The following TTC23L variants were observed in gnomAD, a reference collection of about 807,000 sequenced individuals.
The protein encoded by TTC23L is tetratricopeptide repeat domain 23 like, also known as tetratricopeptide repeat protein 23-like.
Under a neutral mutation model 48.1 loss-of-function variants are expected in TTC23L, and 42 were observed. The ratio of observed to expected loss-of-function variants is 0.87; its 90% CI spans 0.68 to 1.13. TTC23L has a LOEUF of 1.13. Ranked by LOEUF, TTC23L falls within the 50% of genes most tolerant of loss-of-function variation. The probability of loss-of-function intolerance (pLI) is 0.00; values close to 1 mark genes in which losing one functional copy is unlikely to be tolerated. For synonymous variants in TTC23L, 159 were observed against 157.2 expected (o/e 1.01, Z -0.09); for missense variants, 391 against 421.0 (o/e 0.93, Z 0.62).
the TTC23L span, chr5:34,916,893 T>C: frequency 6.6e-6 from 1 of 152,136 alleles, no homozygotes; most frequent in South Asian, 2.1e-4. Flanking sequence ...ATATTTACTT[T>C]TTATGAAAAA....
intron 10 of TTC23L, among the ~76,000 whole-genome samples, chr5:34,897,412 T>TAAAAAAAAAAAA (rs200445158): frequency 1.3e-5 from 2 of 151,616 alleles, no homozygotes; most frequent in Middle Eastern, 3.4e-3. Context: ...AATTAAACAT[T>TAAAAAAAAAAAA]AAAAAAAATA....
At chr5:34,866,769 G>T in intron 6 of TTC23L, 123 bp from the exon 7 acceptor site, 3 of 848,820 alleles carry the variant, frequency 3.5e-6, no homozygotes, top group Non-Finnish European at 5.3e-6. Context: ...AGATTTTTGA[G>T]CCAGCTACCA....
intron 9 of TTC23L, among the ~76,000 whole-genome samples, chr5:34,894,910 GATGAT>G (rs1241809228): frequency 1.3e-5 from 2 of 151,842 alleles, no homozygotes; most frequent in Non-Finnish European, 2.9e-5. Flanking sequence ...TGATGATGAT[GATGAT>G]GTTAATGGTG....
chr5:34,902,397 CAA>C (rs780623995), downstream of TTC23L: 7 of 392,300 alleles, frequency 1.8e-5, no homozygotes, highest in African/African-American at 1.2e-4. Flanking sequence ...GACTGGGTGA[CAA>C]GAGCAAAACT....
the TTC23L span, chr5:34,915,437 C>G: frequency 4.3e-5 from 14 of 322,676 alleles, no homozygotes; most frequent in South Asian, 6.6e-4. Context: ...GGTCTGGACG[C>G]CCGAGAGCCC....
intron 6 of TTC23L, among the ~76,000 whole-genome samples, chr5:34,866,284 A>G (rs1159705568): frequency 6.6e-6 from 1 of 152,212 alleles, no homozygotes; most frequent in Admixed American, 6.5e-5. Context: ...CTATATCTCT[A>G]TGTGGATCAC....
At position 34,862,070 on chromosome 5, in the gene TTC23L, T is replaced by C. The variant is rs116273665; in HGVS notation, c.380-828T>C. 3.6e-3 allele frequency among the ~76,000 whole-genome samples: 544 copies of C among 152,258 alleles called. 2 individuals carry two copies. Among genetic ancestry groups the C allele is most frequent in the African/African-American group, 0.012 (512 of 41,534 alleles). The stretch of plus-strand genomic sequence containing the variant: ...TGCTTCTGGGTTAGGGTTTTGTATG[T>C]AGCAGAGCAGCTCCCTCACTGCAGT... On this transcript the variant is annotated intron_variant, in intron 4 of 10. Coordinates refer to ENST00000505624, the Ensembl canonical transcript of TTC23L.
At chr5:34,841,610 T>TAAGA (rs1317333726) in intron 2 of TTC23L, among the ~76,000 whole-genome samples, 2 of 152,180 alleles carry the variant, frequency 1.3e-5, no homozygotes, top group Non-Finnish European at 2.9e-5. Flanking sequence ...CTTGGCCTCT[T>TAAGA]AGGCTCAAGA....
At chr5:34,864,652 A>T in intron 6 of TTC23L, 90 bp downstream of exon 6, 1 of 1,425,994 alleles carries the variant, frequency 7.0e-7, no homozygotes, top group South Asian at 1.8e-5. Context: ...GAGCAAAAAA[A>T]CCCAGAAACT....
the TTC23L span, chr5:34,918,666 A>G: frequency 2.1e-6 from 1 of 472,054 alleles, no homozygotes; most frequent in Non-Finnish European, 3.8e-6. Context: ...CATTAGGTAG[A>G]TTCTTTACTT....
chr5:34,886,494 C>A (rs1000601123), intron 9 of TTC23L, among the ~76,000 whole-genome samples: 1 of 151,936 alleles, frequency 6.6e-6, no homozygotes, highest in African/African-American at 2.4e-5. Flanking sequence ...ATAATACGGG[C>A]AGGATCTGCT....
At chr5:34,890,510 G>C (rs1284311016) in intron 9 of TTC23L, among the ~76,000 whole-genome samples, 1 of 144,368 alleles carries the variant, frequency 6.9e-6, no homozygotes, top group Non-Finnish European at 1.5e-5. Flanking sequence ...TGTAAGATTT[G>C]AATCCGGGTT....
At chr5:34,925,394 G>A in the TTC23L span, 2 of 1,613,746 alleles carry the variant, frequency 1.2e-6, no homozygotes, top group Non-Finnish European at 8.5e-7. Context: ...AATACAGTGG[G>A]TAAAACCAGA....
intron 2 of TTC23L, among the ~76,000 whole-genome samples, chr5:34,841,922 T>C (rs1201330692): frequency 6.6e-6 from 1 of 152,154 alleles, no homozygotes; most frequent in Non-Finnish European, 1.5e-5. Context: ...CTATATGTTG[T>C]AGGATTTTTA....
rs544757407 is a variant in TTC23L at position 34,846,019 on chromosome 5, C to CA, written c.255+354dup. Among the ~76,000 whole-genome samples the CA allele has an allele frequency of 7.1e-4, 108 of 151,632 alleles. 1 individual carries two copies. Among genetic ancestry groups the CA allele is most frequent in the African/African-American group, 2.4e-3 (99 of 41,356 alleles). On this transcript the variant is annotated intron_variant, in intron 3 of 10. Transcript: ENST00000505624. ...GTAACATAGTGAGACCCTGTCTCTA[C>CA]AAAAAAAATTAAAAATCAGCCAGGC...
At chr5:34,919,840 A>G in the TTC23L span, 12 of 1,054,012 alleles carry the variant, frequency 1.1e-5, no homozygotes, top group South Asian at 2.0e-4. Context: ...CTTTTTCTAG[A>G]TACTAAAATG....
downstream of TTC23L, among the ~76,000 whole-genome samples, chr5:34,904,221 C>T (rs898627215): frequency 2.6e-5 from 4 of 151,546 alleles, no homozygotes; most frequent in Non-Finnish European, 4.4e-5. Context: ...CCTCCTGCCT[C>T]GGCCTCCCAA....
At chr5:34,846,577 AT>A (rs1204096635) in intron 3 of TTC23L, among the ~76,000 whole-genome samples, 21,485 of 76,268 alleles carry the variant, frequency 0.28, 4,778 homozygotes, top group Middle Eastern at 0.37. Context: ...AAAAAAAAAA[AT>A]ATATATATAT....
chr5:34,925,026 C>T, the TTC23L span: 1 of 1,568,114 alleles, frequency 6.4e-7, no homozygotes, highest in South Asian at 1.2e-5. Context: ...ACCCTTTGGC[C>T]AAAATGATTC....
Sources: gnomAD v4.1 joint callset for allele counts (sites outside exome capture counted in the v4.1 genomes callset) on GRCh38, gnomAD v4.1.1 for gene constraint, MANE v1.5 for transcripts, NCBI Gene and HGNC (gene_info 2026-07-23, HGNC 2026-07-21) for gene names.